DLG2: variants seen among roughly 807,000 people sequenced by gnomAD.
DLG2 encodes disks large homolog 2.
DLG2 carries 45 observed loss-of-function variants against 132.5 expected under a neutral mutation model. The observed-to-expected ratio is 0.34, with a 90% CI of 0.27 to 0.44. DLG2 has a LOEUF of 0.44. Ranked by LOEUF, DLG2 falls within the 20% of genes least tolerant of loss-of-function variation. The pLI is 1.00. For missense variants in DLG2, 1,045 were observed against 1,196.9 expected (o/e 0.87, Z 1.87); for synonymous variants, 424 against 419.6 (o/e 1.01, Z -0.13).
chr11:83,996,457 G>A lies in DLG2; in HGVS notation c.920-15815C>T, dbSNP rs140814476. ...AAATTGAGCCACTATATGATTCAGC[G>A]ATCCTACTTATGGCTACCGAAAGAA... On this transcript the variant is annotated intron_variant, in intron 11 of 27. Coordinates refer to ENST00000376104, the MANE Select transcript of DLG2 (RefSeq NM_001142699.3). Among the ~76,000 whole-genome samples, 153 of 152,240 alleles carry A rather than the reference G, an allele frequency of 1.0e-3. 3 individuals carry two copies. Among genetic ancestry groups the A allele is most frequent in the African/African-American group, 3.4e-3 (141 of 41,570 alleles).
chr11:83,849,067 C>A (rs907379135), intron 16 of DLG2, among the ~76,000 whole-genome samples: 2 of 152,152 alleles, frequency 1.3e-5, no homozygotes, highest in African/African-American at 2.4e-5. Flanking sequence ...ACTTATTCCT[C>A]TGCAGTAGTT....
At chr11:83,555,233 G>A (rs1477826272) in intron 19 of DLG2, among the ~76,000 whole-genome samples, 2 of 152,254 alleles carry the variant, frequency 1.3e-5, no homozygotes, top group Non-Finnish European at 2.9e-5. Context: ...TCTAAGATGA[G>A]ACCAGAGGGA....
rs140272276 is a variant in DLG2, at chr11:83,779,431, A to G, written c.1825+7259T>C. Among the ~76,000 whole-genome samples the G allele has an allele frequency of 2.6e-5, 4 of 152,338 alleles. No homozygotes were observed. The East Asian group carries it at 7.7e-4, about 29-fold the overall frequency. ...AACAATAGCAATTAACAACAGTAAC[A>G]TGCTAGAAATGAAAGTGATGCAGTA... On this transcript the variant is annotated intron_variant, in intron 18 of 27. Coordinates refer to ENST00000376104, the MANE Select transcript of DLG2 (RefSeq NM_001142699.3).
At chr11:84,158,785 ATTAAG>A in intron 9 of DLG2, among the ~76,000 whole-genome samples, 3 of 151,722 alleles carry the variant, frequency 2.0e-5, no homozygotes, top group Admixed American at 2.0e-4. Flanking sequence ...TTCTTGTTAG[ATTAAG>A]TTGTTTGTTG....
At chr11:85,480,268 C>T (rs1459684527) in intron 3 of DLG2, among the ~76,000 whole-genome samples, 2 of 152,176 alleles carry the variant, frequency 1.3e-5, no homozygotes. Context: ...TAGAGAAACA[C>T]TGGCAAATGT....
At chr11:85,175,752 A>C (rs924500398) in intron 4 of DLG2, among the ~76,000 whole-genome samples, 2 of 152,234 alleles carry the variant, frequency 1.3e-5, no homozygotes, top group Admixed American at 6.5e-5. Context: ...GCTGATAAGC[A>C]ACTTCAGCAA....
chr11:83,525,234 C>T (rs973851243), intron 21 of DLG2, among the ~76,000 whole-genome samples: 2 of 152,170 alleles, frequency 1.3e-5, no homozygotes, highest in African/African-American at 4.8e-5. Flanking sequence ...GGAGACTTGA[C>T]TGGGGTTTCC....
chr11:84,500,992 T>C (rs2099202745), intron 7 of DLG2, among the ~76,000 whole-genome samples: 1 of 152,192 alleles, frequency 6.6e-6, no homozygotes, highest in Non-Finnish European at 1.5e-5. Context: ...TGAATTTGGC[T>C]CACCTGACTT....
intron 3 of DLG2, among the ~76,000 whole-genome samples, chr11:85,587,769 T>C (rs533644440): frequency 6.6e-6 from 1 of 152,304 alleles, no homozygotes; most frequent in African/African-American, 2.4e-5. Context: ...GTTTTTTCTT[T>C]TTGTTAGTGT....
At chr11:84,558,302 A>G (rs2099416057) in intron 6 of DLG2, among the ~76,000 whole-genome samples, 1 of 152,138 alleles carries the variant, frequency 6.6e-6, no homozygotes, top group South Asian at 2.1e-4. Context: ...AAGCATCCTT[A>G]AATCTAAAGC....
chr11:85,364,560 C>T (rs764562989), intron 3 of DLG2, among the ~76,000 whole-genome samples: 2 of 152,128 alleles, frequency 1.3e-5, no homozygotes, highest in African/African-American at 4.8e-5. Context: ...TTATTAGCTA[C>T]CTTACCTTCC....
intron 19 of DLG2, among the ~76,000 whole-genome samples, chr11:83,583,829 G>A (rs2248115): frequency 0.46 from 69,307 of 151,956 alleles, 16,227 homozygotes; most frequent in Admixed American, 0.57. Context: ...AAGAAAATAG[G>A]TAAGATTCAA....
chr11:85,090,259 G>C (rs560214), intron 6 of DLG2, among the ~76,000 whole-genome samples: 101,614 of 152,018 alleles, frequency 0.67, 34,895 homozygotes, highest in East Asian at 0.93. Flanking sequence ...TTAGAATGCA[G>C]TTTCCCTAAT....
chr11:84,154,344 T>G (rs1166387292), intron 9 of DLG2, among the ~76,000 whole-genome samples: 1 of 152,186 alleles, frequency 6.6e-6, no homozygotes, highest in Non-Finnish European at 1.5e-5. Context: ...TTCTAACAAT[T>G]GAAATCATAT....
intron 6 of DLG2, among the ~76,000 whole-genome samples, chr11:85,026,243 A>C (rs982507316): frequency 3.9e-5 from 6 of 152,196 alleles, no homozygotes; most frequent in Non-Finnish European, 8.8e-5. Context: ...TTAAATATGA[A>C]GAGTTCTGCA....
chr11:84,735,246 T>C (rs147845531), intron 6 of DLG2, among the ~76,000 whole-genome samples: 17 of 152,202 alleles, frequency 1.1e-4, no homozygotes, highest in African/African-American at 3.6e-4. Context: ...TGGTAGAATT[T>C]GGCTGTGAAT....
intron 3 of DLG2, among the ~76,000 whole-genome samples, chr11:85,374,719 C>T (rs1317493690): frequency 6.6e-6 from 1 of 152,184 alleles, no homozygotes; most frequent in Admixed American, 6.5e-5. Context: ...AGAAACCACT[C>T]AAGTACCTCA....
At chr11:84,575,893 G>A (rs1314759897) in intron 6 of DLG2, among the ~76,000 whole-genome samples, 1 of 152,076 alleles carries the variant, frequency 6.6e-6, no homozygotes, top group African/African-American at 2.4e-5. Flanking sequence ...GGAATCACTG[G>A]GAAATTAAAA....
chr11:85,343,950 A>T (rs2082668717), intron 3 of DLG2, among the ~76,000 whole-genome samples: 1 of 152,220 alleles, frequency 6.6e-6, no homozygotes. Context: ...GTAATAAGCC[A>T]CTCAATCACA....
Sources: gnomAD v4.1 joint callset for allele counts (sites outside exome capture counted in the v4.1 genomes callset) on GRCh38, gnomAD v4.1.1 for gene constraint, MANE v1.5 for transcripts, NCBI Gene and HGNC (gene_info 2026-07-23, HGNC 2026-07-21) for gene names.